The following RBM6 variants were observed in gnomAD, a reference collection of about 807,000 sequenced individuals.
The protein encoded by RBM6 is RNA binding motif protein 6, also known as RNA-binding protein 6.
A neutral mutation model predicts 140.4 loss-of-function variants in RBM6; 23 were observed. The ratio of observed to expected loss-of-function variants is 0.16; its 90% CI spans 0.12 to 0.23. RBM6 has a LOEUF of 0.23. Ranked by LOEUF, RBM6 falls within the 10% of genes least tolerant of loss-of-function variation. The pLI is 1.00. For synonymous variants in RBM6, 439 were observed against 475.6 expected (o/e 0.92, Z 1.00); for missense variants, 1,139 against 1,386.7 (o/e 0.82, Z 2.84).
intron 1 of RBM6, among the ~76,000 whole-genome samples, chr3:49,947,053 C>T (rs1194720435): frequency 1.8e-4 from 25 of 138,668 alleles, no homozygotes; most frequent in South Asian, 2.2e-4. Flanking sequence ...CTGGCTAACA[C>T]GGTGAAACCC....
chr3:49,961,443 A>G (rs974216061), intron 1 of RBM6, among the ~76,000 whole-genome samples: 1 of 152,016 alleles, frequency 6.6e-6, no homozygotes, highest in Non-Finnish European at 1.5e-5. Flanking sequence ...TTGGCCTCCC[A>G]AAGTGTTGAG....
intron 1 of RBM6, among the ~76,000 whole-genome samples, chr3:49,956,205 G>C (rs1252218589): frequency 6.8e-6 from 1 of 147,150 alleles, no homozygotes; most frequent in African/African-American, 2.5e-5. Flanking sequence ...TGTATTTTTT[G>C]TAGAGATAGG....
chr3:49,982,262 CTTTTTTTTTTTTTTTTT>C (rs751604271), intron 5 of RBM6, among the ~76,000 whole-genome samples: 2 of 68,426 alleles, frequency 2.9e-5, no homozygotes, highest in Non-Finnish European at 5.6e-5. Context: ...CTTTTCTTTT[CTTTTTTTTTTTTTTTTT>C]TTTTTTTTTT....
At chr3:50,045,868 A>G (rs1482595079) in intron 6 of RBM6, among the ~76,000 whole-genome samples, 1 of 152,216 alleles carries the variant, frequency 6.6e-6, no homozygotes, top group African/African-American at 2.4e-5. Flanking sequence ...AGGAAATGGA[A>G]GCACAAAGAA....
Position 50,076,264 on chromosome 3 carries a change from C to A in RBM6, c.3247-744C>A, listed in dbSNP as rs147916776. Among the ~76,000 whole-genome samples, 1,059 of 151,558 alleles carry A rather than the reference C, an allele frequency of 7.0e-3. 14 individuals are homozygous for A. Among genetic ancestry groups the A allele is most frequent in the African/African-American group, 0.024 (1,008 of 41,416 alleles). ...GATTACAGGCGTGAGCCACTGTGCC[C>A]GGCCAAAAGATTCTTTAAAAAAATT... On this transcript the variant is annotated intron_variant, in intron 20 of 20. Transcript: ENST00000266022.
chr3:50,055,776 G>A (rs6762477), intron 8 of RBM6, among the ~76,000 whole-genome samples: 98,160 of 152,064 alleles, frequency 0.65, 32,324 homozygotes, highest in East Asian at 0.88. Flanking sequence ...AACATAAATA[G>A]GAGAAAATAA....
At position 50,066,541 on chromosome 3, in the gene RBM6, C is replaced by T. The variant is rs777801489; in HGVS notation, c.2943+39C>T. On this transcript the variant is annotated intron_variant, in intron 17 of 20. Transcript: ENST00000266022. ...GAGCTATGCCCTTTCAAACTGTTGA[C>T]TCTTGGCCGGGCTTTGTGGCTCATG... 3.8e-6 allele frequency: 6 copies of T among 1,589,572 alleles called. No homozygotes were observed. In the Admixed American group the frequency reaches 1.0e-4, roughly 27 times the overall value.
At chr3:50,007,252 A>G (rs954722761) in intron 6 of RBM6, among the ~76,000 whole-genome samples, 4 of 142,630 alleles carry the variant, frequency 2.8e-5, no homozygotes, top group African/African-American at 1.1e-4. Context: ...GCTGGAGTGC[A>G]GTGGTGCGAT....
chr3:49,970,094 C>A (rs1014138882), intron 3 of RBM6, among the ~76,000 whole-genome samples: 3 of 152,114 alleles, frequency 2.0e-5, no homozygotes, highest in Non-Finnish European at 2.9e-5. Flanking sequence ...TTGTGCACCA[C>A]CAAATCTGAC....
chr3:49,999,974 A>G (rs1007667677), intron 6 of RBM6, among the ~76,000 whole-genome samples: 28 of 152,340 alleles, frequency 1.8e-4, no homozygotes, highest in Admixed American at 1.7e-3. Context: ...TGCAGGGGCT[A>G]CTTCCAAAAG....
At position 49,967,926 on chromosome 3, in the gene RBM6, T is replaced by G. The variant is rs151310741; in HGVS notation, c.501T>G (p.Gly167=). Residue 167 remains glycine, a synonymous_variant, in exon 3 of 21, where the codon GGT becomes GGG. Transcript: ENST00000266022. This position sits in a 1 kb window ranked among gnomAD's most constrained non-coding sequence, Gnocchi z 4.0. The stretch of plus-strand genomic sequence containing the variant: ...ATGCTCACGCTGTTGACTTCAGAGG[T>G]AGGGATGCTCCTCCATCTGACTTCA... ...DRDAHAVDFR[G]RDAPPSDFRG... The G allele has an allele frequency of 7.6e-5, 123 of 1,613,830 alleles. No homozygotes were observed. In the African/African-American group the frequency reaches 1.3e-3, roughly 18 times the overall value.
intron 6 of RBM6, among the ~76,000 whole-genome samples, chr3:50,006,723 G>A (rs1402775822): frequency 6.6e-6 from 1 of 151,878 alleles, no homozygotes; most frequent in Non-Finnish European, 1.5e-5. Flanking sequence ...ACGAGGTCAG[G>A]AGATGGAGAC....
chr3:50,071,961 G>A (rs62263588), intron 19 of RBM6, among the ~76,000 whole-genome samples: 10,593 of 151,392 alleles, frequency 0.07, 387 homozygotes, highest in Non-Finnish European at 0.077. Context: ...GCAGGCGCCT[G>A]TAATCCCAGC....
intron 5 of RBM6, among the ~76,000 whole-genome samples, chr3:49,996,026 T>C (rs999273877): frequency 1.3e-5 from 2 of 152,178 alleles, no homozygotes; most frequent in African/African-American, 2.4e-5. Context: ...TTATTTGAAC[T>C]GTATCCCCCT....
Position 49,968,556 on chromosome 3 carries a change from G to T in RBM6, c.1131G>T (p.Glu377Asp). 6.2e-7 allele frequency: 1 copy of T among 1,614,176 alleles called. No individual in the cohort carries two copies. The highest frequency in any genetic ancestry group is 8.5e-7 in the Non-Finnish European group (1 of 1,180,034). Residue 377 changes from glutamate to aspartate, a missense_variant, in exon 3 of 21, where the codon GAG (glutamate) becomes GAT (aspartate). By Grantham distance (45) the Glu-to-Asp change is conservative. Coordinates refer to ENST00000266022, the MANE Select transcript of RBM6 (RefSeq NM_005777.3). ...QDKSQLSGRE[E>D]QSSDAGLFKE... is the part of the protein sequence containing the mutation. The stretch of plus-strand genomic sequence containing the variant: ...AGTCACAGCTTTCTGGACGTGAAGA[G>T]CAGAGTTCAGATGCTGGTCTGTTTA...
At chr3:50,048,190 CTCTG>C (rs1338849370) in intron 6 of RBM6, 51 bp from the exon 7 acceptor site, 1 of 1,593,472 alleles carries the variant, frequency 6.3e-7, no homozygotes, top group Non-Finnish European at 8.5e-7. Flanking sequence ...GCCTTTCTGT[CTCTG>C]TCTGTTTCTC....
At chr3:49,971,316 G>T (rs1487986202) in intron 3 of RBM6, among the ~76,000 whole-genome samples, 1 of 148,766 alleles carries the variant, frequency 6.7e-6, no homozygotes, top group Non-Finnish European at 1.5e-5. Context: ...GTGGAGGTGG[G>T]CGCCTGTAAT....
intron 6 of RBM6, among the ~76,000 whole-genome samples, chr3:50,040,214 AG>A (rs925886034): frequency 1.3e-5 from 2 of 151,934 alleles, no homozygotes; most frequent in African/African-American, 4.8e-5. Flanking sequence ...TGGGAGGCCG[AG>A]GTGGGCAGCT....
At chr3:49,995,381 C>T (rs2086037173) in intron 5 of RBM6, among the ~76,000 whole-genome samples, 2 of 152,186 alleles carry the variant, frequency 1.3e-5, no homozygotes, top group South Asian at 4.1e-4. Context: ...CGTGGCGAAA[C>T]TCCGTCTCTA....
Sources: gnomAD v4.1 joint callset for allele counts (sites outside exome capture counted in the v4.1 genomes callset) on GRCh38, gnomAD v4.1.1 for gene constraint, Gnocchi (gnomAD v3.1) non-coding constraint, MANE v1.5 for transcripts, NCBI Gene and HGNC (gene_info 2026-07-23, HGNC 2026-07-21) for gene names.